The following SLC39A8 variants were observed in gnomAD, a reference collection of about 807,000 sequenced individuals.
SLC39A8 encodes the protein metal cation symporter ZIP8.
A neutral mutation model predicts 40.4 loss-of-function variants in SLC39A8; 15 were observed. The ratio of observed to expected loss-of-function variants is 0.37; its 90% CI spans 0.25 to 0.57. The LOEUF (loss-of-function observed/expected upper bound fraction) is 0.57. Ranked by LOEUF, SLC39A8 falls within the 20% of genes least tolerant of loss-of-function variation. The pLI is 0.75. For synonymous variants in SLC39A8, 223 were observed against 221.6 expected (o/e 1.01, Z -0.06); for missense variants, 472 against 558.8 (o/e 0.84, Z 1.57).
intron 1 of SLC39A8, 74 bp from the exon 2 acceptor site, chr4:102,344,989 G>C (rs1736114379): frequency 1.0e-6 from 1 of 990,110 alleles, no homozygotes; most frequent in Admixed American, 5.1e-5. Context: ...CAGAAACGCT[G>C]CGTGGCAGTA....
chr4:102,335,024 C>T (rs745430547), intron 2 of SLC39A8, among the ~76,000 whole-genome samples: 20 of 152,134 alleles, frequency 1.3e-4, no homozygotes, highest in Non-Finnish European at 2.6e-4. Flanking sequence ...ACAGTAAAGG[C>T]CCTACCCACA....
intron 6 of SLC39A8, among the ~76,000 whole-genome samples, chr4:102,287,613 C>T (rs998927825): frequency 1.3e-5 from 2 of 152,108 alleles, no homozygotes; most frequent in Non-Finnish European, 2.9e-5. Context: ...TATGCCTCTA[C>T]TCTAGTACTC....
chr4:102,319,250 G>A (rs1734796349), intron 2 of SLC39A8, among the ~76,000 whole-genome samples: 1 of 152,152 alleles, frequency 6.6e-6, no homozygotes, highest in Non-Finnish European at 1.5e-5. Context: ...AAAGTGGGGG[G>A]CTGGTTCAGA....
chr4:102,280,245 G>C (rs1317098212), intron 6 of SLC39A8, among the ~76,000 whole-genome samples: 4 of 152,128 alleles, frequency 2.6e-5, no homozygotes, highest in African/African-American at 9.7e-5. Flanking sequence ...CAGCTCCACT[G>C]TTACTAGCCT....
At chr4:102,340,005 A>G (rs1735837004) in intron 2 of SLC39A8, among the ~76,000 whole-genome samples, 1 of 152,192 alleles carries the variant, frequency 6.6e-6, no homozygotes, top group Non-Finnish European at 1.5e-5. Context: ...TTGCAACCTC[A>G]GGCATAAATG....
Position 102,304,301 on chromosome 4 carries a change from T to C in SLC39A8, c.840+16A>G. 1 of 1,595,548 alleles carries C rather than the reference T, an allele frequency of 6.3e-7. No homozygotes were observed. The highest frequency in any genetic ancestry group is 8.6e-7 in the Non-Finnish European group (1 of 1,166,436). On this transcript the variant is annotated intron_variant, in intron 6 of 8. Transcript: ENST00000356736. ...AGAATGCAGTATAATGAAGGAAAAA[T>C]GGAATTAACATATACCTGTAGAGAT...
chr4:102,256,387 A>G lies in SLC39A8; in HGVS notation c.*299-2957T>C, dbSNP rs1731709554. On this transcript the variant is annotated intron_variant and NMD_transcript_variant, in intron 11 of 11. Transcript: ENST00000424970. The stretch of plus-strand genomic sequence containing the variant: ...CATAAAAATATATTCATTCTTCCCT[A>G]TCTAGAAATCTATGTCTTTATTTAA... Among the ~76,000 whole-genome samples, 5 of 152,190 alleles carry G rather than the reference A, an allele frequency of 3.3e-5. No individual in the cohort carries two copies. The South Asian group carries it at 1.0e-3, about 32-fold the overall frequency.
intron 2 of SLC39A8, among the ~76,000 whole-genome samples, chr4:102,340,089 A>G (rs189849891): frequency 2.6e-5 from 4 of 152,298 alleles, no homozygotes; most frequent in Admixed American, 2.6e-4. Context: ...GTCTCCTCCA[A>G]TAGACTGTAA....
intron 2 of SLC39A8, among the ~76,000 whole-genome samples, chr4:102,336,734 C>T (rs1463777778): frequency 6.6e-6 from 1 of 152,158 alleles, no homozygotes; most frequent in African/African-American, 2.4e-5. Flanking sequence ...AGGCTCCATT[C>T]TGAATGTTTT....
chr4:102,342,018 TGTATTCC>T (rs1735965536), intron 2 of SLC39A8, among the ~76,000 whole-genome samples: 1 of 152,176 alleles, frequency 6.6e-6, no homozygotes, highest in Admixed American at 6.5e-5. Flanking sequence ...AAACTGAAGT[TGTATTCC>T]TCAGGGTATG....
At chr4:102,291,189 C>A (rs1207198603) in intron 6 of SLC39A8, among the ~76,000 whole-genome samples, 1 of 151,976 alleles carries the variant, frequency 6.6e-6, no homozygotes, top group Non-Finnish European at 1.5e-5. Flanking sequence ...TTTACCAGAT[C>A]CAGCCTTTCC....
At chr4:102,315,905 C>A in intron 2 of SLC39A8, 75 bp from the exon 3 acceptor site, 1 of 1,274,078 alleles carries the variant, frequency 7.8e-7, no homozygotes, top group Admixed American at 2.4e-5. Flanking sequence ...TATAAAGAGA[C>A]ACAGACTATT....
intron 8 of SLC39A8, among the ~76,000 whole-genome samples, chr4:102,264,908 C>T (rs1732031655): frequency 6.6e-6 from 1 of 152,178 alleles, no homozygotes; most frequent in South Asian, 2.1e-4. Context: ...GAGAGTTATT[C>T]CTTGCTCTGA....
chr4:102,310,101 A>AC (rs1734362012), intron 3 of SLC39A8, among the ~76,000 whole-genome samples: 1 of 151,700 alleles, frequency 6.6e-6, no homozygotes, highest in Admixed American at 6.6e-5. Flanking sequence ...AGTGTTATTT[A>AC]CCCCCTTCTC....
chr4:102,314,160 A>G (rs1217358615), intron 3 of SLC39A8, among the ~76,000 whole-genome samples: 1 of 152,046 alleles, frequency 6.6e-6, no homozygotes, highest in Non-Finnish European at 1.5e-5. Context: ...GACTTGACTC[A>G]TTGTTCCCTC....
chr4:102,332,495 A>C (rs1241357412), intron 2 of SLC39A8, among the ~76,000 whole-genome samples: 1 of 152,288 alleles, frequency 6.6e-6, no homozygotes, highest in Non-Finnish European at 1.5e-5. Flanking sequence ...AATGGCGATC[A>C]GTAAAAGGTC....
rs573021293 is a variant in SLC39A8, at chr4:102,296,056, G to A, written c.840+8261C>T. Among the ~76,000 whole-genome samples, 10 of 152,210 alleles carry A rather than the reference G, an allele frequency of 6.6e-5. No individual in the cohort carries two copies. In the South Asian group the frequency reaches 2.1e-3, roughly 32 times the overall value. ...TTTAAGATTCTCTTCCATTAAGAGA[G>A]AGTAAATGTTCCAAATTCTCTTAAT... On this transcript the variant is annotated intron_variant, in intron 6 of 8. Transcript: ENST00000356736.
intron 6 of SLC39A8, among the ~76,000 whole-genome samples, chr4:102,274,311 G>A (rs1445561889): frequency 2.0e-5 from 3 of 152,168 alleles, no homozygotes; most frequent in Non-Finnish European, 2.9e-5. Context: ...GCATACACAA[G>A]TATCAGTAGC....
At chr4:102,290,754 A>G (rs183973071) in intron 6 of SLC39A8, among the ~76,000 whole-genome samples, 1 of 152,098 alleles carries the variant, frequency 6.6e-6, no homozygotes, top group East Asian at 1.9e-4. Context: ...AACGTGAACC[A>G]CATTAAGAGA....
Sources: gnomAD v4.1 joint callset for allele counts (sites outside exome capture counted in the v4.1 genomes callset) on GRCh38, gnomAD v4.1.1 for gene constraint, MANE v1.5 for transcripts, NCBI Gene and HGNC (gene_info 2026-07-23, HGNC 2026-07-21) for gene names.